CRYL1: variants seen among roughly 807,000 people sequenced by gnomAD.
CRYL1 encodes the protein lambda-crystallin homolog.
CRYL1 carries 29 observed loss-of-function variants against 36.6 expected under a neutral mutation model. That is an observed-to-expected ratio of 0.79 (90% CI 0.59 to 1.08). The LOEUF (loss-of-function observed/expected upper bound fraction) is 1.08. Ranked by LOEUF, CRYL1 falls within the 50% of genes least tolerant of loss-of-function variation. CRYL1 has a pLI of 0.00. For synonymous variants in CRYL1, 152 were observed against 151.5 expected, an observed-to-expected ratio of 1.00 and a Z score of -0.02; for missense variants, 411 against 407.9, an observed-to-expected ratio of 1.01 and a Z score of -0.06.
At chr13:20,430,611 T>C in intron 5 of CRYL1, 1 of 985,336 alleles carries the variant, frequency 1.0e-6, no homozygotes, top group Non-Finnish European at 1.2e-6. Flanking sequence ...GCTCTTGCAA[T>C]GGAGAGTTCT....
chr13:20,470,908 C>T (rs1221994278), intron 3 of CRYL1, among the ~76,000 whole-genome samples: 48 of 104,880 alleles, frequency 4.6e-4, no homozygotes, highest in African/African-American at 2.0e-3. Flanking sequence ...AAAACTCCAT[C>T]TCAAAAAAAA....
chr13:20,431,216 G>A (rs898207165), intron 5 of CRYL1: 2 of 985,292 alleles, frequency 2.0e-6, no homozygotes, highest in African/African-American at 1.7e-5. Flanking sequence ...CTTCCTGGTT[G>A]CCATCTCAGG....
chr13:20,452,658 A>G (rs9509220), intron 3 of CRYL1, among the ~76,000 whole-genome samples: 66,827 of 152,070 alleles, frequency 0.44, 15,329 homozygotes, highest in Admixed American at 0.57. Context: ...GTCAAAACCT[A>G]TAGGATGCAT....
At chr13:20,427,739 C>CA (rs10650553) in intron 5 of CRYL1, among the ~76,000 whole-genome samples, 123,834 of 136,150 alleles carry the variant, frequency 0.91, 56,429 homozygotes, top group South Asian at 0.98. Flanking sequence ...AGTTGCTCCT[C>CA]AAAAAAAAAA....
intron 5 of CRYL1, chr13:20,430,531 C>T (rs2032036005): frequency 1.6e-5 from 16 of 985,262 alleles, no homozygotes; most frequent in Admixed American, 6.2e-5. Flanking sequence ...GCAGAACTAC[C>T]AGAGCAGCCC....
chr13:20,491,381 T>C (rs2033509846), intron 2 of CRYL1, among the ~76,000 whole-genome samples: 2 of 152,192 alleles, frequency 1.3e-5, no homozygotes, highest in African/African-American at 2.4e-5. Flanking sequence ...CCTGCTCAGA[T>C]CTCATCACCC....
At chr13:20,422,418 T>C (rs181832684) in intron 5 of CRYL1, among the ~76,000 whole-genome samples, 1 of 152,076 alleles carries the variant, frequency 6.6e-6, no homozygotes, top group Admixed American at 6.5e-5. Context: ...AATAAAAGTT[T>C]GCAGATAGAA....
In CRYL1 at chr13:20,439,531, G is replaced by GA. The variant is rs67447037; in HGVS notation, c.438+61dup. On this transcript the variant is annotated intron_variant, in intron 4 of 7. Transcript: ENST00000298248. Reference sequence around the variant, plus strand: ...CTCCCCCGCAAAAAAAAAAAAAAAAGAAAAAAAAAAAACACAGAATGAGAT... The same window carrying GA: ...CTCCCCCGCAAAAAAAAAAAAAAAAGAAAAAAAAAAAAACACAGAATGAGAT... 2,612 of 487,930 alleles carry GA rather than the reference G, an allele frequency of 5.4e-3. 26 individuals carry two copies. The highest frequency in any genetic ancestry group is 0.012 in the African/African-American group (340 of 27,958). 30.2% of individuals were successfully genotyped at this position (487,930 alleles called of 1,614,324 possible). A position where few individuals can be genotyped will look rare whatever the true frequency, so the allele number is the denominator to read the frequency against.
chr13:20,481,502 T>C lies in CRYL1; in HGVS notation c.276+7868A>G, dbSNP rs570680616. On this transcript the variant is annotated intron_variant, in intron 3 of 7. Coordinates refer to ENST00000298248, the MANE Select transcript of CRYL1 (RefSeq NM_015974.3). This position sits in a 1 kb window ranked among gnomAD's most constrained non-coding sequence, Gnocchi z 4.1. ...CTCTGAACCCCAGCTGTGACGCTGA[T>C]TTCATACGTGACTGTACGCATCTGT... Among the ~76,000 whole-genome samples, 1 of 152,290 alleles carries C rather than the reference T, an allele frequency of 6.6e-6. No individual in the cohort carries two copies. Among genetic ancestry groups the C allele is most frequent in the Admixed American group, 6.5e-5 (1 of 15,284 alleles).
At chr13:20,516,403 A>C (rs1017427657) in intron 1 of CRYL1, among the ~76,000 whole-genome samples, 2 of 152,038 alleles carry the variant, frequency 1.3e-5, no homozygotes, top group Non-Finnish European at 2.9e-5. Context: ...TATTTGTAAC[A>C]TTTCAATCTC....
At chr13:20,434,418 C>T (rs2032156335) in intron 4 of CRYL1, among the ~76,000 whole-genome samples, 1 of 152,108 alleles carries the variant, frequency 6.6e-6, no homozygotes, top group South Asian at 2.1e-4. Flanking sequence ...CAGCACTCTG[C>T]AAAACGCACC....
intron 5 of CRYL1, among the ~76,000 whole-genome samples, chr13:20,414,536 C>A (rs1490393896): frequency 2.8e-4 from 42 of 152,144 alleles, no homozygotes; most frequent in Non-Finnish European, 8.8e-5. Context: ...TGGGAAGGTG[C>A]TCTCCAGGCT....
chr13:20,407,171 A>T (rs1662237918), intron 6 of CRYL1, among the ~76,000 whole-genome samples: 1 of 151,580 alleles, frequency 6.6e-6, no homozygotes, highest in South Asian at 2.1e-4. Flanking sequence ...ATTTTTATTC[A>T]GGAAACCCTT....
intron 2 of CRYL1, among the ~76,000 whole-genome samples, chr13:20,494,563 T>C (rs1440630027): frequency 6.6e-6 from 1 of 152,210 alleles, no homozygotes; most frequent in Non-Finnish European, 1.5e-5. Flanking sequence ...GGAAACTATG[T>C]CTGAGCGCCT....
At chr13:20,474,430 G>A (rs4770041) in intron 3 of CRYL1, among the ~76,000 whole-genome samples, 83,041 of 151,926 alleles carry the variant, frequency 0.55, 25,275 homozygotes, top group South Asian at 0.75. Flanking sequence ...GCAACAAACC[G>A]GTAAAGCAAC....
chr13:20,498,096 C>T (rs564161977), intron 2 of CRYL1, among the ~76,000 whole-genome samples: 4 of 150,890 alleles, frequency 2.7e-5, no homozygotes, highest in Middle Eastern at 6.8e-3. Context: ...ATACACACAA[C>T]ACCATACACA....
In CRYL1 at chr13:20,437,309, A is replaced by ATTT. The variant is rs5802073; in HGVS notation, c.438+2281_438+2283dup. Among the ~76,000 whole-genome samples the ATTT allele has an allele frequency of 2.0e-3, 286 of 144,368 alleles. 3 individuals are homozygous for ATTT. The highest frequency in any genetic ancestry group is 6.6e-3 in the African/African-American group (260 of 39,190). The allele number at this position is 144,368 out of a possible 152,430, so 94.7% of individuals were successfully genotyped here. ...TAATTTGTAACAATAAGGAAGATTAATTTTTTTTTTTTTTTTGAGATGGAG... is the reference window on the plus strand; with the variant it reads ...TAATTTGTAACAATAAGGAAGATTAATTTTTTTTTTTTTTTTTTTGAGATGGAG... On this transcript the variant is annotated intron_variant, in intron 4 of 7. Coordinates refer to ENST00000298248, the MANE Select transcript of CRYL1 (RefSeq NM_015974.3).
chr13:20,484,509 T>TA (rs1200596865), intron 3 of CRYL1, among the ~76,000 whole-genome samples: 11 of 152,140 alleles, frequency 7.2e-5, no homozygotes, highest in African/African-American at 1.9e-4. Flanking sequence ...CTGTTTCTAC[T>TA]AAAAATACAA....
intron 1 of CRYL1, among the ~76,000 whole-genome samples, chr13:20,517,692 T>C (rs996899984): frequency 6.6e-6 from 1 of 152,068 alleles, no homozygotes; most frequent in African/African-American, 2.4e-5. Flanking sequence ...ATCCCAGCGC[T>C]TTGGGAGGCC....
Sources: allele counts gnomAD v4.1 joint callset (sites outside exome capture counted in the v4.1 genomes callset), GRCh38; gene constraint gnomAD v4.1.1; non-coding constraint Gnocchi (gnomAD v3.1); transcripts MANE v1.5; gene names NCBI Gene and HGNC (gene_info 2026-07-23, HGNC 2026-07-21).